The following GNG12 variants were observed in gnomAD, a reference collection of about 807,000 sequenced individuals.
GNG12 encodes the protein G protein subunit gamma 12, also known as guanine nucleotide-binding protein G(I)/G(S)/G(O) subunit gamma-12.
For missense variants in GNG12, 69 were observed against 83.8 expected (o/e 0.82, Z 0.69); for synonymous variants, 28 against 29.7 (o/e 0.94, Z 0.19).
At chr1:67,801,844 A>G (rs1646867474) in intron 1 of GNG12, among the ~76,000 whole-genome samples, 1 of 152,150 alleles carries the variant, frequency 6.6e-6, no homozygotes, top group Admixed American at 6.5e-5. Context: ...GTTTAAATGA[A>G]AAAATGTATA....
At chr1:67,760,185 G>A (rs771984993) in intron 2 of GNG12, among the ~76,000 whole-genome samples, 5 of 152,200 alleles carry the variant, frequency 3.3e-5, no homozygotes, top group Non-Finnish European at 5.9e-5. Flanking sequence ...TGACGTTCCA[G>A]TGAGTCCAAG....
At chr1:67,706,696 C>T (rs1369632544) in intron 3 of GNG12, among the ~76,000 whole-genome samples, 2 of 149,124 alleles carry the variant, frequency 1.3e-5, no homozygotes, top group East Asian at 2.0e-4. Context: ...GTTCTTGTTG[C>T]CCAGGCTGGA....
chr1:67,809,325 T>C (rs1338392143), intron 1 of GNG12, among the ~76,000 whole-genome samples: 1 of 151,918 alleles, frequency 6.6e-6, no homozygotes, highest in East Asian at 1.9e-4. Context: ...AATACAAAAC[T>C]AGAAAACTCC....
At chr1:67,794,798 A>G (rs903641714) in intron 1 of GNG12, among the ~76,000 whole-genome samples, 5 of 152,342 alleles carry the variant, frequency 3.3e-5, no homozygotes, top group Non-Finnish European at 5.9e-5. Context: ...AGCTATATTT[A>G]TATCATTTAG....
At chr1:67,709,922 AG>A (rs1229613397) in intron 2 of GNG12, among the ~76,000 whole-genome samples, 16 of 44,798 alleles carry the variant, frequency 3.6e-4, no homozygotes, top group South Asian at 7.9e-4. Flanking sequence ...TTATATATAT[AG>A]TTATATATAT....
At chr1:67,764,770 T>C (rs984994361) in intron 2 of GNG12, among the ~76,000 whole-genome samples, 9 of 152,220 alleles carry the variant, frequency 5.9e-5, no homozygotes, top group African/African-American at 2.2e-4. Context: ...TGGGTGTTCA[T>C]GCAAAAACAA....
At chr1:67,830,137 C>T (rs1647034911) in intron 1 of GNG12, among the ~76,000 whole-genome samples, 1 of 151,810 alleles carries the variant, frequency 6.6e-6, no homozygotes, top group Non-Finnish European at 1.5e-5. Context: ...TCCCGAGTAG[C>T]TGGGACTTCA....
intron 2 of GNG12, among the ~76,000 whole-genome samples, chr1:67,731,951 C>T (rs530138479): frequency 6.6e-6 from 1 of 152,308 alleles, no homozygotes; most frequent in South Asian, 2.1e-4. Context: ...TGCTGTCTTA[C>T]ATGCGGTGGC....
intron 1 of GNG12, among the ~76,000 whole-genome samples, chr1:67,807,973 C>A (rs540533260): frequency 6.6e-6 from 1 of 152,162 alleles, no homozygotes; most frequent in South Asian, 2.1e-4. Context: ...GAGGCTAACA[C>A]TACCCTAAGA....
intron 1 of GNG12, among the ~76,000 whole-genome samples, chr1:67,802,094 C>G (rs1557622455): frequency 6.6e-6 from 1 of 151,916 alleles, no homozygotes; most frequent in Non-Finnish European, 1.5e-5. Flanking sequence ...GTTTCTTGAC[C>G]AGAGAATGAG....
At chr1:67,764,188 C>T (rs773093662) in intron 2 of GNG12, among the ~76,000 whole-genome samples, 1 of 152,018 alleles carries the variant, frequency 6.6e-6, no homozygotes, top group Non-Finnish European at 1.5e-5. Flanking sequence ...ATATGAAATA[C>T]ACAGGCTGGT....
chr1:67,747,097 AGT>A (rs1646511984), intron 2 of GNG12, among the ~76,000 whole-genome samples: 1 of 152,212 alleles, frequency 6.6e-6, no homozygotes, highest in South Asian at 2.1e-4. Context: ...CCTAACATGC[AGT>A]TTTAAAAGCA....
chr1:67,808,057 AAAGT>A (rs1281842178), intron 1 of GNG12, among the ~76,000 whole-genome samples: 2 of 152,104 alleles, frequency 1.3e-5, no homozygotes, highest in Admixed American at 1.3e-4. Context: ...AATCCTCAAT[AAAGT>A]ATTAACAAAC....
intron 1 of GNG12, among the ~76,000 whole-genome samples, chr1:67,830,503 C>A (rs566845863): frequency 6.6e-6 from 1 of 152,074 alleles, no homozygotes; most frequent in Non-Finnish European, 1.5e-5. Flanking sequence ...AACCGGATAC[C>A]CTTGGGTCAC....
rs1473054600 is a variant in GNG12 at position 67,833,447 on chromosome 1, G to A, written c.-180C>T. 3 of 985,114 alleles carry A rather than the reference G, an allele frequency of 3.0e-6. No individual in the cohort carries two copies. Among genetic ancestry groups the A allele is most frequent in the Middle Eastern group, 5.2e-4 (1 of 1,934 alleles). The allele number at this position is 985,114 out of a possible 1,614,324, so 61.0% of individuals were successfully genotyped here. On this transcript the variant is annotated 5_prime_UTR_variant, in exon 1 of 4. Coordinates refer to ENST00000370982, the MANE Select transcript of GNG12 (RefSeq NM_018841.6). ...CTCCTCCTCCTCCTCTTGCTCCTCC[G>A]GGCGCCGGCTCCGCCTCGCTGGGGT...
At chr1:67,768,986 G>A (rs1322236249) in intron 2 of GNG12, among the ~76,000 whole-genome samples, 4 of 152,172 alleles carry the variant, frequency 2.6e-5, no homozygotes, top group African/African-American at 9.7e-5. Flanking sequence ...ATGGGTCTGG[G>A]GGAGGAAAGG....
chr1:67,795,660 AG>A (rs1267300918), intron 1 of GNG12, among the ~76,000 whole-genome samples: 13 of 152,210 alleles, frequency 8.5e-5, no homozygotes, highest in African/African-American at 3.1e-4. Context: ...TCTGGATACA[AG>A]GTTTATAGCA....
chr1:67,787,970 C>G (rs1362009395), intron 1 of GNG12, among the ~76,000 whole-genome samples: 1 of 152,200 alleles, frequency 6.6e-6, no homozygotes, highest in African/African-American at 2.4e-5. Context: ...TCAGCCTACT[C>G]AGAGTTTGTG....
chr1:67,718,030 C>T (rs1646336359), intron 2 of GNG12, among the ~76,000 whole-genome samples: 1 of 152,204 alleles, frequency 6.6e-6, no homozygotes, highest in Non-Finnish European at 1.5e-5. Flanking sequence ...GCCTGACATG[C>T]ACTGGTCCTC....
Sources: gnomAD v4.1 joint callset for allele counts (sites outside exome capture counted in the v4.1 genomes callset) on GRCh38, gnomAD v4.1.1 for gene constraint, MANE v1.5 for transcripts, NCBI Gene and HGNC (gene_info 2026-07-23, HGNC 2026-07-21) for gene names.